Variants in FER observed in about 807,000 individuals in gnomAD.
FER encodes tyrosine-protein kinase Fer.
In FER, 63 loss-of-function variants were observed where a neutral mutation model predicts 111.0. The observed-to-expected ratio is 0.57, with a 90% confidence interval of 0.46 to 0.70. FER has a LOEUF of 0.70. Among genes scored for constraint, FER ranks in the 30% least tolerant of loss-of-function variants. The pLI is 0.00. For synonymous variants in FER, 327 were observed against 313.9 expected, an observed-to-expected ratio of 1.04 and a Z score of -0.44; for missense variants, 914 against 954.0, an observed-to-expected ratio of 0.96 and a Z score of 0.55.
intron 10 of FER, among the ~76,000 whole-genome samples, chr5:108,907,667 C>T (rs1581150550): frequency 6.6e-6 from 1 of 152,142 alleles, no homozygotes; most frequent in East Asian, 1.9e-4. Context: ...AGTCTCTGCA[C>T]TCTTAGATCT....
Position 108,995,360 on chromosome 5 carries a change from G to C in FER, c.1656+36013G>C, listed in dbSNP as rs1763850055. On this transcript the variant is annotated intron_variant, in intron 13 of 19. Coordinates refer to ENST00000281092, the MANE Select transcript of FER (RefSeq NM_005246.4). ...TATACACGTGTCATGGTGGTTTACT[G>C]CACCCATCAACCTGTCATCTACATT... 3.3e-5 allele frequency among the ~76,000 whole-genome samples: 5 copies of C among 152,002 alleles called. No homozygotes were observed. The South Asian group carries it at 1.0e-3, about 32-fold the overall frequency.
rs111663056 is a variant in FER, at chr5:109,067,227, T to TTTGTTGTTGTTGTTG, written c.1924+20051_1924+20065dup. Among the ~76,000 whole-genome samples the TTTGTTGTTGTTGTTG allele has an allele frequency of 2.5e-3, 371 of 150,112 alleles. 2 individuals are homozygous for TTTGTTGTTGTTGTTG. The highest frequency in any genetic ancestry group is 7.7e-3 in the African/African-American group (313 of 40,668). ...GTGTGTTAGGGAGTGGAGTGACTGG[T>TTTGTTGTTGTTGTTG]TTGTTGTTGTTGTTGTTGTTGTTGT... On this transcript the variant is annotated intron_variant, in intron 16 of 19. Transcript: ENST00000281092.
At position 108,959,332 on chromosome 5, in the gene FER, G is replaced by T. The variant is rs781568132; in HGVS notation, c.1641G>T (p.Leu547=). ...VITKKSGVVL[L]NPIPKDKKWI... is the part of the protein sequence containing the mutation. ...CTAAGAAATCAGGTGTAGTTCTGCT[G>T]AATCCTATTCCTAAGGTAGGTGCTT... Residue 547 remains leucine, a synonymous_variant, in exon 13 of 20, where the codon CTG becomes CTT. Transcript: ENST00000281092. 20 of 1,610,526 alleles carry T rather than the reference G, an allele frequency of 1.2e-5. No homozygotes were observed. The African/African-American group carries it at 2.0e-4, about 16-fold the overall frequency.
chr5:108,984,655 C>A (rs1229687124), intron 13 of FER, among the ~76,000 whole-genome samples: 1 of 151,230 alleles, frequency 6.6e-6, no homozygotes, highest in Non-Finnish European at 1.5e-5. Flanking sequence ...ATGCTCATGT[C>A]TTTTTATTAC....
At chr5:108,987,173 C>T (rs1270453685) in intron 13 of FER, among the ~76,000 whole-genome samples, 1 of 152,078 alleles carries the variant, frequency 6.6e-6, no homozygotes, top group Non-Finnish European at 1.5e-5. Flanking sequence ...AGGCTGGGTG[C>T]AATGGCTCAC....
intron 16 of FER, among the ~76,000 whole-genome samples, chr5:109,053,262 A>T (rs917851538): frequency 6.6e-6 from 1 of 151,862 alleles, no homozygotes; most frequent in African/African-American, 2.4e-5. Flanking sequence ...ATGCCTGTGT[A>T]ATCTCAGCTA....
chr5:108,922,691 T>G (rs1330503552), intron 10 of FER, among the ~76,000 whole-genome samples: 1 of 152,120 alleles, frequency 6.6e-6, no homozygotes, highest in Non-Finnish European at 1.5e-5. Context: ...AATGAAAATA[T>G]AAACTTATTC....
intron 5 of FER, among the ~76,000 whole-genome samples, chr5:108,839,619 C>A: frequency 6.8e-6 from 1 of 147,558 alleles, no homozygotes; most frequent in Non-Finnish European, 1.5e-5. Flanking sequence ...GCTCTGCCTC[C>A]CAGGCTGGAG....
At chr5:109,055,982 A>G (rs947148658) in intron 16 of FER, among the ~76,000 whole-genome samples, 1 of 152,212 alleles carries the variant, frequency 6.6e-6, no homozygotes, top group African/African-American at 2.4e-5. Context: ...ATAGGTGCTC[A>G]ACATTATTAA....
intron 16 of FER, among the ~76,000 whole-genome samples, chr5:109,072,570 G>C (rs1021781544): frequency 6.6e-6 from 1 of 151,734 alleles, no homozygotes; most frequent in South Asian, 2.1e-4. Context: ...CAGTGATGTC[G>C]TGTTTCCCTT....
At chr5:109,014,250 A>G (rs1366249588) in intron 13 of FER, among the ~76,000 whole-genome samples, 210 of 152,140 alleles carry the variant, frequency 1.4e-3, no homozygotes, top group Middle Eastern at 0.01. Context: ...ATCTTGAATT[A>G]ATTTTTGTAT....
intron 17 of FER, among the ~76,000 whole-genome samples, chr5:109,148,743 A>G (rs1254536709): frequency 6.6e-6 from 1 of 152,122 alleles, no homozygotes; most frequent in Non-Finnish European, 1.5e-5. Context: ...TTCTTGGCCA[A>G]GACAGTCAAA....
chr5:108,961,934 T>C (rs547293097), intron 13 of FER, among the ~76,000 whole-genome samples: 1 of 152,320 alleles, frequency 6.6e-6, no homozygotes, highest in African/African-American at 2.4e-5. Context: ...CTAGACTTCA[T>C]TTTTAGCCTA....
At chr5:109,161,055 A>C (rs946914992) in intron 17 of FER, among the ~76,000 whole-genome samples, 1 of 152,112 alleles carries the variant, frequency 6.6e-6, no homozygotes, top group Non-Finnish European at 1.5e-5. Flanking sequence ...ATAAACACTA[A>C]ATGCAAAGAT....
chr5:109,129,558 T>A (rs1220378377), intron 17 of FER, among the ~76,000 whole-genome samples: 1 of 152,046 alleles, frequency 6.6e-6, no homozygotes, highest in East Asian at 1.9e-4. Flanking sequence ...GAAACCTGGA[T>A]AAAAGGGTTT....
intron 13 of FER, among the ~76,000 whole-genome samples, chr5:108,967,468 A>C (rs940726351): frequency 2.6e-5 from 4 of 151,956 alleles, no homozygotes; most frequent in Non-Finnish European, 5.9e-5. Context: ...CAGTGTGAAA[A>C]ACCAATTATG....
At chr5:109,128,239 T>C (rs1160078354) in intron 17 of FER, among the ~76,000 whole-genome samples, 1 of 152,136 alleles carries the variant, frequency 6.6e-6, no homozygotes, top group East Asian at 1.9e-4. Flanking sequence ...GTTTTTTTTT[T>C]TTAATGAGAG....
chr5:109,189,780 T>C lies in FER; in HGVS notation c.*2205T>C, dbSNP rs1352386904. 1 of 152,202 alleles carries C rather than the reference T, an allele frequency of 6.6e-6. No individual in the cohort carries two copies. The highest frequency in any genetic ancestry group is 1.5e-5 in the Non-Finnish European group (1 of 68,036). The allele number at this position is 152,202 out of a possible 1,614,324, so 9.4% of individuals were successfully genotyped here. On this transcript the variant is annotated 3_prime_UTR_variant, in exon 20 of 20. Transcript: ENST00000281092. ...GGAGAGAGAATGATGGTTTTGGCTT[T>C]AGTTTTATGAACAAGACCTAAAGCT...
At chr5:108,780,603 G>GTTC (rs1753957179) in intron 2 of FER, among the ~76,000 whole-genome samples, 1 of 151,772 alleles carries the variant, frequency 6.6e-6, no homozygotes, top group Non-Finnish European at 1.5e-5. Flanking sequence ...TTTTGTTGTT[G>GTTC]TTGGTTGTTT....
Sources: gnomAD v4.1 joint callset for allele counts (sites outside exome capture counted in the v4.1 genomes callset) on GRCh38, gnomAD v4.1.1 for gene constraint, MANE v1.5 for transcripts, NCBI Gene and HGNC (gene_info 2026-07-23, HGNC 2026-07-21) for gene names.